The following NBPF26 variants were observed in gnomAD, a reference collection of about 807,000 sequenced individuals.
NBPF26 encodes the protein NBPF member 26.
NBPF26 carries 79 observed loss-of-function variants against 119.6 expected under a neutral mutation model. The ratio of observed to expected loss-of-function variants is 0.66; its 90% CI spans 0.55 to 0.80. The LOEUF (loss-of-function observed/expected upper bound fraction) is 0.80, where lower values mean the gene tolerates loss of function less well. Among genes scored for constraint, NBPF26 ranks in the 30% least tolerant of loss-of-function variants. The pLI is 0.00. For missense variants in NBPF26, 800 were observed against 1,198.2 expected (o/e 0.67, Z 4.91); for synonymous variants, 299 against 457.7 (o/e 0.65, Z 4.43).
In NBPF26 at chr1:120,810,238, T is replaced by C. The variant is rs1281508219; in HGVS notation, c.1353-109T>C. On this transcript the variant is annotated intron_variant, in intron 8 of 29. Transcript: ENST00000620612. ...TCTTTAAGGGAACCTCCGTTTTGCT[T>C]TCTGGAACCACTCTCTTAATGCCGC... is the stretch of plus-strand genomic sequence containing the variant. 4.9e-5 allele frequency: 66 copies of C among 1,360,130 alleles called. 5 individuals are homozygous for C. Among genetic ancestry groups the C allele is most frequent in the Non-Finnish European group, 5.9e-5 (59 of 997,858 alleles). The allele number at this position is 1,360,130 out of a possible 1,614,324, so 84.3% of individuals were successfully genotyped here.
chr1:120,817,417 T>A (rs1652034604), intron 14 of NBPF26, among the ~76,000 whole-genome samples: 2 of 21,626 alleles, frequency 9.2e-5, no homozygotes, highest in Non-Finnish European at 1.5e-4. Flanking sequence ...CATCGTGGAT[T>A]TTTTTTTTTT....
chr1:120,824,099 T>A (rs1652201850), exon 18 of NBPF26: 2 of 462,982 alleles, frequency 4.3e-6, no homozygotes, highest in East Asian at 6.0e-5. Flanking sequence ...AGAAGTGCCT[T>A]TTACGTATTG....
rs1221216919 is a variant in NBPF26 at position 120,809,965 on chromosome 1, G to A, written c.1352+82G>A. 1.7e-4 allele frequency: 250 copies of A among 1,492,042 alleles called. 11 individuals carry two copies. The African/African-American group carries it at 3.2e-3, about 19-fold the overall frequency. The allele number at this position is 1,492,042 out of a possible 1,614,324, so 92.4% of individuals were successfully genotyped here. On this transcript the variant is annotated intron_variant, in intron 8 of 29. Transcript: ENST00000620612. ...AGGCACACCCTCTCTGGCATCTATG[G>A]TGGGCCAAAAGCCCACATCCCCTTG...
In NBPF26 at chr1:120,840,294, G is replaced by C. The variant is rs1652484225; in HGVS notation, c.4104-56G>C. ...TATGTTACTTCTGAAATCTAGTGGG[G>C]CTCTGTGGTGTCCGATTTTCCCTGG... On this transcript the variant is annotated intron_variant, in intron 29 of 29. Transcript: ENST00000620612. 2.8e-6 allele frequency: 4 copies of C among 1,444,402 alleles called. No individual in the cohort carries two copies. The South Asian group carries it at 4.8e-5, about 17-fold the overall frequency. 89.5% of individuals were successfully genotyped at this position (1,444,402 alleles called of 1,614,324 possible).
rs1196751938 is a variant in NBPF26 at position 120,790,277 on chromosome 1, G to A, written c.416-2884G>A. ...GATCCACCCGCCTCGGCCTCCCAAA[G>A]TGCTGGGATTACAGGTGTGAGCCAC... is the stretch of plus-strand genomic sequence containing the variant. On this transcript the variant is annotated intron_variant, in intron 3 of 29. Transcript: ENST00000620612. Among the ~76,000 whole-genome samples, 14 of 110,112 alleles carry A rather than the reference G, an allele frequency of 1.3e-4. 3 individuals carry two copies. Among genetic ancestry groups the A allele is most frequent in the Non-Finnish European group, 1.9e-4 (11 of 58,618 alleles). 72.2% of individuals were successfully genotyped at this position (110,112 alleles called of 152,430 possible).
At chr1:120,770,788 T>C (rs1651255080) in intron 2 of NBPF26, among the ~76,000 whole-genome samples, 1 of 117,134 alleles carries the variant, frequency 8.5e-6, no homozygotes, top group Non-Finnish European at 1.6e-5. Context: ...CTGTTTTAAG[T>C]TGGTAGTTCA....
chr1:120,770,332 G>A (rs1270897663), intron 2 of NBPF26, among the ~76,000 whole-genome samples: 2 of 108,248 alleles, frequency 1.8e-5, no homozygotes, highest in African/African-American at 1.2e-4. Flanking sequence ...ACCACGCCCG[G>A]CTAATTTTTT....
intron 2 of NBPF26, among the ~76,000 whole-genome samples, chr1:120,770,924 G>T (rs1174361378): frequency 8.9e-6 from 1 of 111,894 alleles, no homozygotes; most frequent in Non-Finnish European, 1.7e-5. Context: ...GTAGCATTAG[G>T]TAGGCCTGAG....
In NBPF26 at chr1:120,806,554, T is replaced by C. The variant is rs1651689569; in HGVS notation, c.961+789T>C. On this transcript the variant is annotated intron_variant, in intron 5 of 29. Coordinates refer to ENST00000620612, the Ensembl canonical transcript of NBPF26. The stretch of plus-strand genomic sequence containing the variant: ...GTTGCAGTGAGCCAAGATTGCACTA[T>C]TGAACTCCAGCATGGGTGACAGGGC... Among the ~76,000 whole-genome samples the C allele has an allele frequency of 4.0e-5, 5 of 125,230 alleles. 1 individual carries two copies. The highest frequency in any genetic ancestry group is 3.9e-4 in the Admixed American group (5 of 12,938). 82.2% of individuals were successfully genotyped at this position (125,230 alleles called of 152,430 possible).
chr1:120,793,398 G>C, exon 4 of NBPF26: 11 of 1,440,246 alleles, frequency 7.6e-6, no homozygotes, highest in South Asian at 2.4e-5. Flanking sequence ...GGCCAGTACT[G>C]TGACAGACTG....
chr1:120,818,749 T>C (rs1652066503), intron 15 of NBPF26, among the ~76,000 whole-genome samples: 3 of 120,910 alleles, frequency 2.5e-5, no homozygotes. Context: ...TTCCCAGTAG[T>C]CATTCAGGAG....
At chr1:120,724,611 C>A (rs1475127672) in intron 1 of NBPF26, among the ~76,000 whole-genome samples, 1 of 119,040 alleles carries the variant, frequency 8.4e-6, no homozygotes, top group Non-Finnish European at 1.7e-5. Context: ...GAGCGAGAGC[C>A]GACGGCGGGC....
Position 120,727,281 on chromosome 1 carries a change from A to G in NBPF26, c.73+3031A>G, listed in dbSNP as rs1408074803. 8.1e-5 allele frequency among the ~76,000 whole-genome samples: 8 copies of G among 98,324 alleles called. 1 individual carries two copies. The East Asian group carries it at 1.9e-3, about 24-fold the overall frequency. 64.5% of individuals were successfully genotyped at this position (98,324 alleles called of 152,430 possible). ...CTGACAAGTAACTTGGTTGCAACCCACTGATTAAGTACATTTTTTTTTACC... is the reference window on the plus strand; with the variant it reads ...CTGACAAGTAACTTGGTTGCAACCCGCTGATTAAGTACATTTTTTTTTACC... On this transcript the variant is annotated intron_variant, in intron 1 of 29. Coordinates refer to ENST00000620612, the Ensembl canonical transcript of NBPF26.
intron 1 of NBPF26, among the ~76,000 whole-genome samples, chr1:120,759,928 T>C (rs1191056191): frequency 9.8e-6 from 1 of 101,588 alleles, no homozygotes; most frequent in Non-Finnish European, 1.8e-5. Context: ...ACAAAAAAAT[T>C]CTTCTTGTGT....
At chr1:120,790,586 TTCTTTC>T (rs1651479979) in intron 3 of NBPF26, among the ~76,000 whole-genome samples, 1 of 103,286 alleles carries the variant, frequency 9.7e-6, no homozygotes, top group Admixed American at 9.5e-5. Context: ...CTTTCTTTCT[TTCTTTC>T]TCTTTCTCTC....
intron 1 of NBPF26, among the ~76,000 whole-genome samples, chr1:120,728,833 G>A (rs1650844594): frequency 9.3e-6 from 1 of 107,006 alleles, no homozygotes; most frequent in Admixed American, 8.9e-5. Context: ...TTTGAACCAA[G>A]AGAGTCCCCT....
At chr1:120,760,392 C>T (rs1182371107) in intron 1 of NBPF26, among the ~76,000 whole-genome samples, 12 of 126,758 alleles carry the variant, frequency 9.5e-5, no homozygotes, top group Non-Finnish European at 1.9e-4. Context: ...CCAGGCTGGT[C>T]TTGAACTCCT....
chr1:120,822,548 A>G lies in NBPF26; in HGVS notation c.2587+281A>G. Among the ~76,000 whole-genome samples, 5 of 113,402 alleles carry G rather than the reference A, an allele frequency of 4.4e-5. 1 individual carries two copies. In the Middle Eastern group the frequency reaches 0.02, roughly 446 times the overall value. 74.4% of individuals were successfully genotyped at this position (113,402 alleles called of 152,430 possible). A position where few individuals can be genotyped will look rare whatever the true frequency, so the allele number is the denominator to read the frequency against. On this transcript the variant is annotated intron_variant, in intron 16 of 29. Coordinates refer to ENST00000620612, the Ensembl canonical transcript of NBPF26. ...AAGGCAGGTGTGGCAAACTCACACC[A>G]AACTATGCAGCACATGCCCAGGAGT...
At position 120,811,584 on chromosome 1, in the gene NBPF26, T is replaced by A. The variant is rs1159172095; in HGVS notation, c.1565-302T>A. ...AAAAAGAAAATTAAGCAAAACGAAA[T>A]CTTTTGTGCTACACAGAAACATTGG... is the stretch of plus-strand genomic sequence containing the variant. On this transcript the variant is annotated intron_variant, in intron 9 of 29. Transcript: ENST00000620612. 7.5e-4 allele frequency among the ~76,000 whole-genome samples: 84 copies of A among 112,486 alleles called. 18 individuals carry two copies. The East Asian group carries it at 0.018, about 24-fold the overall frequency. The allele number at this position is 112,486 out of a possible 152,430, so 73.8% of individuals were successfully genotyped here. A position where few individuals can be genotyped will look rare whatever the true frequency, so the allele number is the denominator to read the frequency against.
Sources: gnomAD v4.1 joint callset for allele counts (sites outside exome capture counted in the v4.1 genomes callset) on GRCh38, gnomAD v4.1.1 for gene constraint, MANE v1.5 for transcripts, NCBI Gene and HGNC (gene_info 2026-07-23, HGNC 2026-07-21) for gene names.